NUP37: variants seen among roughly 807,000 people sequenced by gnomAD.
NUP37 encodes the protein nucleoporin 37.
In NUP37, 33 loss-of-function variants were observed where a neutral mutation model predicts 45.4. The ratio of observed to expected loss-of-function variants is 0.73; its 90% CI spans 0.55 to 0.97. The LOEUF is 0.97. NUP37 is among the 50% of genes least tolerant of loss of function. The pLI is 0.00. For synonymous variants in NUP37, 127 were observed against 130.7 expected, an observed-to-expected ratio of 0.97 and a Z score of 0.19; for missense variants, 365 against 389.7, an observed-to-expected ratio of 0.94 and a Z score of 0.53.
intron 6 of NUP37, among the ~76,000 whole-genome samples, chr12:102,083,942 C>A (rs1879399827): frequency 6.6e-6 from 1 of 151,956 alleles, no homozygotes; most frequent in African/African-American, 2.4e-5. Context: ...GGTGTTAGAC[C>A]AAGGGATGGG....
chr12:102,116,978 G>C (rs540897137), intron 2 of NUP37, among the ~76,000 whole-genome samples: 5 of 152,192 alleles, frequency 3.3e-5, no homozygotes, highest in African/African-American at 1.2e-4. Context: ...CTCCAGCCTG[G>C]ATGACAGAGC....
At position 102,074,326 on chromosome 12, in the gene NUP37, T is replaced by C; in HGVS notation, c.*28A>G. On this transcript the variant is annotated 3_prime_UTR_variant, in exon 10 of 10. Coordinates refer to ENST00000552283, the MANE Select transcript of NUP37 (RefSeq NM_024057.4). ...CAAAATATGTACTAAAAATACAAAG[T>C]TTGTGAATCTAAGGTACAGAAAACA... The C allele has an allele frequency of 7.3e-7, 1 of 1,363,822 alleles. No individual in the cohort carries two copies. The highest frequency in any genetic ancestry group is 2.3e-5 in the East Asian group (1 of 43,430). 84.5% of individuals were successfully genotyped at this position (1,363,822 alleles called of 1,614,324 possible).
At chr12:102,083,415 C>T (rs953541758) in intron 6 of NUP37, among the ~76,000 whole-genome samples, 4 of 152,180 alleles carry the variant, frequency 2.6e-5, no homozygotes, top group African/African-American at 9.7e-5. Flanking sequence ...CTCAATGGGC[C>T]TGGAACAAAT....
chr12:102,105,148 T>G (rs1880097377), intron 3 of NUP37, among the ~76,000 whole-genome samples: 1 of 152,206 alleles, frequency 6.6e-6, no homozygotes. Flanking sequence ...CTTCGTTGGT[T>G]GTCTAGTGAG....
intron 6 of NUP37, chr12:102,079,292 T>C (rs556439582): frequency 4.4e-6 from 2 of 453,896 alleles, no homozygotes; most frequent in South Asian, 3.1e-5. Flanking sequence ...TTTAAGAACG[T>C]ACTTTTGTAC....
At chr12:102,075,799 C>T (rs768026133) in intron 8 of NUP37, among the ~76,000 whole-genome samples, 1 of 152,048 alleles carries the variant, frequency 6.6e-6, no homozygotes, top group Non-Finnish European at 1.5e-5. Flanking sequence ...TGTGTCCTAC[C>T]CTAGGGGATG....
rs754580714 is a variant in NUP37, at chr12:102,076,859, T to C, written c.723-12A>G. 21 of 1,605,140 alleles carry C rather than the reference T, an allele frequency of 1.3e-5. No homozygotes were observed. The highest frequency in any genetic ancestry group is 1.7e-5 in the Non-Finnish European group (20 of 1,173,340). ...TATTTTGAGGATAACTAAAAGATAA[T>C]ATTTTGCATTTTATGAATTATGTGT... is the stretch of plus-strand genomic sequence containing the variant. On this transcript the variant is annotated splice_polypyrimidine_tract_variant and intron_variant, in intron 7 of 9. Coordinates refer to ENST00000552283, the MANE Select transcript of NUP37 (RefSeq NM_024057.4).
At chr12:102,077,278 T>G in intron 7 of NUP37, 44 bp downstream of exon 7, 1 of 1,591,170 alleles carries the variant, frequency 6.3e-7, no homozygotes, top group Middle Eastern at 1.7e-4. Flanking sequence ...CAACAGTTAC[T>G]GCCTTTTTTT....
At chr12:102,109,381 A>G (rs1367030955) in intron 3 of NUP37, among the ~76,000 whole-genome samples, 1 of 152,168 alleles carries the variant, frequency 6.6e-6, no homozygotes, top group Non-Finnish European at 1.5e-5. Flanking sequence ...ATAGACTACT[A>G]TTTATTTTAG....
At chr12:102,115,652 A>G (rs1442542131) in intron 2 of NUP37, among the ~76,000 whole-genome samples, 1 of 152,220 alleles carries the variant, frequency 6.6e-6, no homozygotes, top group Non-Finnish European at 1.5e-5. Flanking sequence ...TCAGAAGCTC[A>G]TATGTCCATC....
intron 6 of NUP37, among the ~76,000 whole-genome samples, chr12:102,078,648 G>A (rs1167500071): frequency 6.6e-6 from 1 of 152,186 alleles, no homozygotes; most frequent in African/African-American, 2.4e-5. Flanking sequence ...TTCTAAAATG[G>A]AGATGGGAGG....
In NUP37 at chr12:102,077,343, A is replaced by G. The variant is rs1202935007; in HGVS notation, c.701T>C (p.Ile234Thr). The change falls in exon 7 of 10, where the codon ATT becomes ACT. Residue 234 changes from isoleucine (I) to threonine (T), a missense_variant. Ile to Thr is a moderately conservative substitution (Grantham distance 89). Coordinates refer to ENST00000552283, the MANE Select transcript of NUP37 (RefSeq NM_024057.4). ...VGAVAGNDWLIWDITRSSYPQ... is the reference protein window; with the variant it reads ...VGAVAGNDWLTWDITRSSYPQ... ...GTACCTGGACCGAGTAATATCCCAA[A>G]TTAACCAATCATTTCCTGCAACGGC... 3.1e-6 allele frequency: 5 copies of G among 1,614,102 alleles called. No individual in the cohort carries two copies. Among genetic ancestry groups the G allele is most frequent in the Non-Finnish European group, 4.2e-6 (5 of 1,179,996 alleles).
chr12:102,078,989 C>G (rs1879260342), intron 6 of NUP37: 1 of 222,788 alleles, frequency 4.5e-6, no homozygotes, highest in Non-Finnish European at 9.2e-6. Context: ...CTACGAGTAT[C>G]TAAGTGCATG....
intron 6 of NUP37, among the ~76,000 whole-genome samples, chr12:102,080,658 C>T (rs928139027): frequency 4.6e-5 from 7 of 152,242 alleles, no homozygotes; most frequent in Admixed American, 6.5e-5. Flanking sequence ...AAGTGATTCA[C>T]GTAACTTGTA....
At chr12:102,077,625 T>A in intron 6 of NUP37, 122 bp from the exon 7 acceptor site, 1 of 970,322 alleles carries the variant, frequency 1.0e-6, no homozygotes, top group East Asian at 2.6e-5. Context: ...AGGTTCAGCA[T>A]TCCTCATCTG....
chr12:102,086,280 A>G (rs1356655639), intron 5 of NUP37, among the ~76,000 whole-genome samples: 1 of 152,218 alleles, frequency 6.6e-6, no homozygotes, highest in East Asian at 1.9e-4. Context: ...ATGCAAGCCG[A>G]GTATTTTTAT....
intron 3 of NUP37, among the ~76,000 whole-genome samples, chr12:102,104,667 T>C (rs1463009052): frequency 1.3e-5 from 2 of 152,228 alleles, no homozygotes; most frequent in Non-Finnish European, 2.9e-5. Context: ...TTCTGCATGA[T>C]ACTCAGTTTA....
intron 3 of NUP37, among the ~76,000 whole-genome samples, chr12:102,110,122 T>C (rs954079161): frequency 5.9e-5 from 9 of 152,154 alleles, no homozygotes; most frequent in African/African-American, 2.4e-5. Flanking sequence ...AGATTTCTAA[T>C]AGAAGAAACA....
chr12:102,109,498 G>A (rs1215023246), intron 3 of NUP37, among the ~76,000 whole-genome samples: 3 of 151,946 alleles, frequency 2.0e-5, no homozygotes, highest in Admixed American at 6.6e-5. Context: ...GAGTATAGGT[G>A]GCATTCTTCT....
Sources: gnomAD v4.1 joint callset for allele counts (sites outside exome capture counted in the v4.1 genomes callset) on GRCh38, gnomAD v4.1.1 for gene constraint, MANE v1.5 for transcripts, NCBI Gene and HGNC (gene_info 2026-07-23, HGNC 2026-07-21) for gene names.